DNAH6: variants seen among roughly 807,000 people sequenced by gnomAD.
DNAH6 encodes the protein axonemal beta dynein heavy chain 6.
DNAH6 carries 340 observed loss-of-function variants against 491.4 expected under a neutral mutation model. The observed-to-expected ratio is 0.69, with a 90% CI of 0.63 to 0.76. The LOEUF is 0.76. Ranked by LOEUF, DNAH6 falls within the 30% of genes least tolerant of loss-of-function variation. DNAH6 has a pLI of 0.00. For synonymous variants in DNAH6, 1,603 were observed against 1,686.1 expected, an observed-to-expected ratio of 0.95 and a Z score of 1.21; for missense variants, 4,443 against 4,972.2, an observed-to-expected ratio of 0.89 and a Z score of 3.20.
At chr2:84,601,393 T>G (rs1461412667) in intron 18 of DNAH6, among the ~76,000 whole-genome samples, 6 of 152,062 alleles carry the variant, frequency 3.9e-5, no homozygotes. Context: ...TTTGATGTTC[T>G]GTTGTTGGAC....
In DNAH6 at chr2:84,653,723, C is replaced by T. The variant is rs909480371; in HGVS notation, c.5483C>T (p.Thr1828Ile). The T allele has an allele frequency of 3.2e-6, 5 of 1,551,178 alleles. No homozygotes were observed. Among genetic ancestry groups the T allele is most frequent in the Admixed American group, 3.9e-5 (2 of 50,954 alleles). The change falls in exon 34 of 77, where the codon ACT (threonine) becomes ATT (isoleucine). Residue 1828 changes from threonine (T) to isoleucine (I), a missense_variant. Physicochemically the swap from Thr to Ile is moderately conservative, Grantham distance 89 (BLOSUM62 -1). Coordinates refer to ENST00000389394, the MANE Select transcript of DNAH6 (RefSeq NM_001370.2). Reference sequence around the variant, plus strand: ...AGTGTCCGAGCAGCTGTGAATGATACTTCAGAAGACCATAAATGGATCATC... The same window carrying T: ...AGTGTCCGAGCAGCTGTGAATGATATTTCAGAAGACCATAAATGGATCATC... ...ALSVRAAVND[T>I]SEDHKWIISD...
rs1405112969 is a variant in DNAH6, at chr2:84,629,734, A to G, written c.4515+4671A>G. Among the ~76,000 whole-genome samples, 5 of 152,304 alleles carry G rather than the reference A, an allele frequency of 3.3e-5. No individual in the cohort carries two copies. In the South Asian group the frequency reaches 1.0e-3, roughly 32 times the overall value. The stretch of plus-strand genomic sequence containing the variant: ...CCTCTAGTACCCAGACTGTGGTCTT[A>G]AGTACCTTTTCCTACTGAAAGTAAC... On this transcript the variant is annotated intron_variant, in intron 29 of 76. Transcript: ENST00000389394.
chr2:84,598,512 A>G (rs931080095), intron 18 of DNAH6, among the ~76,000 whole-genome samples: 17 of 152,230 alleles, frequency 1.1e-4, no homozygotes, highest in African/African-American at 3.6e-4. Context: ...TAACTTGGGT[A>G]AATAACTAGA....
chr2:84,596,029 G>A (rs1465929229), intron 18 of DNAH6, among the ~76,000 whole-genome samples: 1 of 152,162 alleles, frequency 6.6e-6, no homozygotes, highest in Admixed American at 6.5e-5. Flanking sequence ...CAAGTGGTAA[G>A]GGAAATAGTG....
chr2:84,590,266 C>T (rs1020954355), intron 16 of DNAH6, among the ~76,000 whole-genome samples: 6 of 151,978 alleles, frequency 3.9e-5, no homozygotes, highest in African/African-American at 1.4e-4. Flanking sequence ...GAGGCCAAGG[C>T]TGGCAAATCA....
At chr2:84,749,511 G>A (rs1673270626) in intron 63 of DNAH6, among the ~76,000 whole-genome samples, 1 of 152,204 alleles carries the variant, frequency 6.6e-6, no homozygotes, top group Non-Finnish European at 1.5e-5. Flanking sequence ...ATGGGTGACT[G>A]TGAAAGAGAT....
At chr2:84,791,880 T>C (rs1266285608) in intron 68 of DNAH6, among the ~76,000 whole-genome samples, 1 of 151,982 alleles carries the variant, frequency 6.6e-6, no homozygotes, top group Non-Finnish European at 1.5e-5. Context: ...AGTACTATTA[T>C]GATAAATGCT....
chr2:84,492,701 A>G, the DNAH6 span, among the ~76,000 whole-genome samples: 1,881 of 152,272 alleles, frequency 0.012, 43 homozygotes, highest in African/African-American at 0.043. Flanking sequence ...TAATCTTGTC[A>G]TACACTTTTT....
intron 57 of DNAH6, 91 bp from the exon 58 acceptor site, chr2:84,715,469 C>G (rs1697437059): frequency 1.6e-6 from 2 of 1,224,444 alleles, no homozygotes; most frequent in South Asian, 2.8e-5. Flanking sequence ...GATACATCCG[C>G]CTGGGTAGTA....
chr2:84,508,689 C>CT, the DNAH6 span, among the ~76,000 whole-genome samples: 1 of 152,044 alleles, frequency 6.6e-6, no homozygotes, highest in Non-Finnish European at 1.5e-5. Context: ...TTCCTGCTTT[C>CT]TCTTATGGGC....
the DNAH6 span, among the ~76,000 whole-genome samples, chr2:84,509,552 T>C: frequency 6.6e-6 from 1 of 152,234 alleles, no homozygotes; most frequent in Non-Finnish European, 1.5e-5. Flanking sequence ...TGTCTTTTAA[T>C]TGGAGCATTT....
intron 33 of DNAH6, among the ~76,000 whole-genome samples, chr2:84,643,949 T>C (rs1446260491): frequency 1.3e-5 from 2 of 152,172 alleles, no homozygotes; most frequent in Non-Finnish European, 2.9e-5. Flanking sequence ...TGCCTTTTAG[T>C]ATGCCTCATA....
At chr2:84,792,538 A>G (rs1677864282) in intron 68 of DNAH6, among the ~76,000 whole-genome samples, 1 of 152,150 alleles carries the variant, frequency 6.6e-6, no homozygotes, top group African/African-American at 2.4e-5. Context: ...TTGGATACCA[A>G]TTATACCTCA....
chr2:84,815,118 A>G (rs1309036833), intron 75 of DNAH6, among the ~76,000 whole-genome samples: 1 of 152,260 alleles, frequency 6.6e-6, no homozygotes, highest in Non-Finnish European at 1.5e-5. Flanking sequence ...CTGCATAAAC[A>G]TATGTGCAGC....
chr2:84,811,826 A>C (rs1185961832), intron 72 of DNAH6, among the ~76,000 whole-genome samples: 1 of 146,180 alleles, frequency 6.8e-6, no homozygotes, highest in Admixed American at 7.1e-5. Flanking sequence ...ATCCCACTGC[A>C]CTCCAGCCTG....
At chr2:84,767,342 G>A (rs558600118) in intron 64 of DNAH6, among the ~76,000 whole-genome samples, 3 of 151,918 alleles carry the variant, frequency 2.0e-5, no homozygotes, top group Admixed American at 2.0e-4. Context: ...GACCAGACTG[G>A]ACAACATAGT....
At chr2:84,594,747 C>T in intron 17 of DNAH6, among the ~76,000 whole-genome samples, 1 of 152,048 alleles carries the variant, frequency 6.6e-6, no homozygotes, top group Admixed American at 6.5e-5. Context: ...TGTGCTGATG[C>T]CTATAATTAG....
At chr2:84,769,109 A>G (rs891719412) in intron 64 of DNAH6, among the ~76,000 whole-genome samples, 1 of 152,228 alleles carries the variant, frequency 6.6e-6, no homozygotes, top group African/African-American at 2.4e-5. Context: ...GATGCTGTAC[A>G]TATGGTTCAC....
At chr2:84,634,466 A>G (rs758890334) in intron 29 of DNAH6, 38 bp from the exon 30 acceptor site, 192 of 1,481,160 alleles carry the variant, frequency 1.3e-4, no homozygotes, top group Admixed American at 5.2e-4. Flanking sequence ...GAGCTGAACT[A>G]CACAATACAA....
Sources: allele counts gnomAD v4.1 joint callset (sites outside exome capture counted in the v4.1 genomes callset), GRCh38; gene constraint gnomAD v4.1.1; transcripts MANE v1.5; gene names NCBI Gene and HGNC (gene_info 2026-07-23, HGNC 2026-07-21).